CELSR1: variants seen among roughly 807,000 people sequenced by gnomAD.
CELSR1 encodes adhesion G protein-coupled receptor C1.
A neutral mutation model predicts 249.1 loss-of-function variants in CELSR1; 110 were observed. The ratio of observed to expected loss-of-function variants is 0.44; its 90% CI spans 0.38 to 0.52. CELSR1 has a LOEUF of 0.52. Among genes scored for constraint, CELSR1 ranks in the 20% least tolerant of loss-of-function variants. CELSR1 has a pLI of 0.00. For missense variants in CELSR1, 4,109 were observed against 4,296.4 expected, an observed-to-expected ratio of 0.96 and a Z score of 1.22; for synonymous variants, 2,113 against 1,900.0, an observed-to-expected ratio of 1.11 and a Z score of -2.92.
chr22:46,469,052 G>A (rs550670326), intron 1 of CELSR1, among the ~76,000 whole-genome samples: 23 of 152,074 alleles, frequency 1.5e-4, no homozygotes, highest in Non-Finnish European at 2.6e-4. Flanking sequence ...CTCCAGCCTG[G>A]GGGACAGAGA....
At chr22:46,482,894 A>G (rs2080280243) in intron 1 of CELSR1, among the ~76,000 whole-genome samples, 1 of 152,134 alleles carries the variant, frequency 6.6e-6, no homozygotes, top group Non-Finnish European at 1.5e-5. Context: ...GCTGGCATGG[A>G]GCAGACCAAC....
chr22:46,432,571 G>A lies in CELSR1; in HGVS notation c.4611+822C>T, dbSNP rs188924661. On this transcript the variant is annotated intron_variant, in intron 5 of 34. Transcript: ENST00000674500. ...AAAAGGGATTTGCAAAATCACAGCCGTGGAAAGCACAGCATTTTGATGCAA... is the reference window on the plus strand; with the variant it reads ...AAAAGGGATTTGCAAAATCACAGCCATGGAAAGCACAGCATTTTGATGCAA... 3.0e-3 allele frequency among the ~76,000 whole-genome samples: 453 copies of A among 152,348 alleles called. 3 individuals are homozygous for A. The highest frequency in any genetic ancestry group is 0.021 in the South Asian group (102 of 4,832).
Position 46,410,522 on chromosome 22 carries a change from G to A in CELSR1, c.4809C>T (p.Val1603=), listed in dbSNP as rs61737818. 2.8e-3 allele frequency: 4,562 copies of A among 1,614,076 alleles called. 104 individuals are homozygous for A. In the African/African-American group the frequency reaches 0.052, roughly 18 times the overall value. The change falls in exon 7 of 35, where the codon GTC becomes GTT. Residue 1603 remains valine (V), a synonymous_variant. Coordinates refer to ENST00000674500, the MANE Select transcript of CELSR1 (RefSeq NM_001378328.1). The surrounding 1 kb of genome is among the most constrained non-coding windows in gnomAD (Gnocchi z 6.8). ...CTGGGAAGTCTTCTGGCAGGTTGGGGACACCCCCCAGGAGTAGAGGGCCGG... is the reference window on the plus strand; with the variant it reads ...CTGGGAAGTCTTCTGGCAGGTTGGGAACACCCCCCAGGAGTAGAGGGCCGG... ...DLTGPLLLGG[V]PNLPEDFPVH... is the part of the protein sequence containing the mutation.
rs142177887 is a variant in CELSR1, at chr22:46,534,421, G to A, written c.2750C>T (p.Thr917Met). 1.6e-4 allele frequency: 265 copies of A among 1,612,816 alleles called. 1 individual carries two copies. The highest frequency in any genetic ancestry group is 1.6e-4 in the Non-Finnish European group (192 of 1,180,024). Reference protein sequence around the residue: ...PSTSILQVSATDRDSGPNGRL... With the variant: ...PSTSILQVSAMDRDSGPNGRL... Reference sequence around the variant, plus strand: ...CCCATTGGGACCTGAGTCCCGGTCCGTGGCAGAGACCTGGAGGATGCTGGT... The same window carrying A: ...CCCATTGGGACCTGAGTCCCGGTCCATGGCAGAGACCTGGAGGATGCTGGT... The change falls in exon 1 of 35, where the codon ACG becomes ATG. Residue 917 changes from threonine to methionine, a missense_variant. This residue lies in a region of CELSR1 where 886 missense variants were observed against 896.5 expected (regional missense o/e 0.99). Coordinates refer to ENST00000674500, the MANE Select transcript of CELSR1 (RefSeq NM_001378328.1). This position sits in a 1 kb window ranked among gnomAD's most constrained non-coding sequence, Gnocchi z 9.7.
intron 1 of CELSR1, among the ~76,000 whole-genome samples, chr22:46,502,141 C>A (rs1224243541): frequency 6.6e-6 from 1 of 151,392 alleles, no homozygotes; most frequent in African/African-American, 2.4e-5. Flanking sequence ...CACAAGCCTG[C>A]AGTCCCAGCT....
intron 1 of CELSR1, among the ~76,000 whole-genome samples, chr22:46,498,291 CAAAAAAAAAAAA>C (rs757698564): frequency 5.3e-4 from 6 of 11,314 alleles, no homozygotes; most frequent in East Asian, 2.0e-3. Context: ...AACTCTGTCT[CAAAAAAAAAAAA>C]AAAAAAAAAA....
intron 5 of CELSR1, among the ~76,000 whole-genome samples, chr22:46,418,650 T>C (rs528653128): frequency 1.5e-3 from 224 of 152,232 alleles, no homozygotes; most frequent in Non-Finnish European, 2.8e-3. Flanking sequence ...CACCTGCAGC[T>C]TGGAGTTCGG....
At chr22:46,510,326 G>A (rs539186035) in intron 1 of CELSR1, among the ~76,000 whole-genome samples, 1 of 152,208 alleles carries the variant, frequency 6.6e-6, no homozygotes, top group South Asian at 2.1e-4. Context: ...GAGCCACAGA[G>A]GCTGGAATGC....
In CELSR1 at chr22:46,468,167, C is replaced by T. The variant is rs1413768244; in HGVS notation, c.3545-3822G>A. ...CTTTGGGAGGCCGAGGTGGGTGGAT[C>T]ACGACGTCAGGAGTTCAAGACCAGC... is the stretch of plus-strand genomic sequence containing the variant. On this transcript the variant is annotated intron_variant, in intron 1 of 34. Transcript: ENST00000674500. The surrounding 1 kb of genome is among the most constrained non-coding windows in gnomAD (Gnocchi z 4.5). Among the ~76,000 whole-genome samples, 1 of 151,888 alleles carries T rather than the reference C, an allele frequency of 6.6e-6. No individual in the cohort carries two copies. Among genetic ancestry groups the T allele is most frequent in the Non-Finnish European group, 1.5e-5 (1 of 68,012 alleles).
chr22:46,456,379 G>A (rs1393346092), intron 2 of CELSR1, among the ~76,000 whole-genome samples: 1 of 152,138 alleles, frequency 6.6e-6, no homozygotes, highest in Non-Finnish European at 1.5e-5. Flanking sequence ...CCCAAAATAG[G>A]CCGGGCACGG....
At position 46,468,756 on chromosome 22, in the gene CELSR1, G is replaced by GT. The variant is rs2147610826; in HGVS notation, c.3545-4412dup. On this transcript the variant is annotated intron_variant, in intron 1 of 34. Coordinates refer to ENST00000674500, the MANE Select transcript of CELSR1 (RefSeq NM_001378328.1). This position sits in a 1 kb window ranked among gnomAD's most constrained non-coding sequence, Gnocchi z 4.5. ...CTTAAAAATGGTTAAAGTGGTAAAC[G>GT]TATGTGTATTTTACCACAATTACAA... Among the ~76,000 whole-genome samples the GT allele has an allele frequency of 6.6e-6, 1 of 152,264 alleles. No individual in the cohort carries two copies. The highest frequency in any genetic ancestry group is 2.1e-4 in the South Asian group (1 of 4,818).
chr22:46,366,336 C>T, intron 30 of CELSR1, 50 bp downstream of exon 30: 1 of 1,348,010 alleles, frequency 7.4e-7, no homozygotes, highest in Non-Finnish European at 9.8e-7. Flanking sequence ...AGGGGCAAAA[C>T]CTGAGGGAGT....
rs1214518797 is a variant in CELSR1, at chr22:46,389,445, G to A, written c.6400C>T (p.Leu2134=). 3.7e-6 allele frequency: 6 copies of A among 1,612,954 alleles called. No individual in the cohort carries two copies. Among genetic ancestry groups the A allele is most frequent in the Non-Finnish European group, 5.1e-6 (6 of 1,180,014 alleles). Residue 2134 remains leucine (L), a synonymous_variant, in exon 18 of 35, where the codon CTG becomes TTG. Transcript: ENST00000674500. ...TQVDGARALQ[L]VRALRSATQH... The stretch of plus-strand genomic sequence containing the variant: ...GTAGCACTGCGCAGCGCCCTCACCA[G>A]CTGCAGGGCCCTGGCGCCGTCCACC...
chr22:46,420,748 G>A (rs560937992), intron 5 of CELSR1, among the ~76,000 whole-genome samples: 13 of 152,154 alleles, frequency 8.5e-5, no homozygotes, highest in African/African-American at 2.4e-4. Flanking sequence ...CCCTTCCTTA[G>A]TCCCCCTGCC....
rs192697436 is a variant in CELSR1, at chr22:46,492,326, T to C, written c.3545-27981A>G. ...TCAGCCCTCAATGGTCTCAGTTACG[T>C]GTTTCTTATCTATGTACACTAACAA... is the stretch of plus-strand genomic sequence containing the variant. On this transcript the variant is annotated intron_variant, in intron 1 of 34. Transcript: ENST00000674500. Among the ~76,000 whole-genome samples, 3 of 152,362 alleles carry C rather than the reference T, an allele frequency of 2.0e-5. No homozygotes were observed. In the East Asian group the frequency reaches 5.8e-4, roughly 29 times the overall value.
At chr22:46,368,346 C>T (rs1174849399) in intron 27 of CELSR1, among the ~76,000 whole-genome samples, 2 of 152,074 alleles carry the variant, frequency 1.3e-5, no homozygotes, top group Non-Finnish European at 2.9e-5. Context: ...TGACAGAGCC[C>T]GCAAGGTCCA....
intron 4 of CELSR1, among the ~76,000 whole-genome samples, 190 bp downstream of exon 4, chr22:46,435,984 C>A (rs1365665688): frequency 6.6e-6 from 1 of 152,242 alleles, no homozygotes; most frequent in Non-Finnish European, 1.5e-5. Context: ...CAGGCGTGAG[C>A]CACCACGCCC....
At position 46,362,915 on chromosome 22, in the gene CELSR1, T is replaced by C; in HGVS notation, c.*308A>G. Reference sequence around the variant, plus strand: ...TCTGGGGTCCCCTCTCAGTTCTGGCTTTGACTGCAGTCTTAGGACTCAGCG... The same window carrying C: ...TCTGGGGTCCCCTCTCAGTTCTGGCCTTGACTGCAGTCTTAGGACTCAGCG... On this transcript the variant is annotated 3_prime_UTR_variant, in exon 35 of 35. Coordinates refer to ENST00000674500, the MANE Select transcript of CELSR1 (RefSeq NM_001378328.1). The C allele has an allele frequency of 2.0e-6, 1 of 509,668 alleles. No homozygotes were observed. Among genetic ancestry groups the C allele is most frequent in the Non-Finnish European group, 3.5e-6 (1 of 285,528 alleles). The allele number at this position is 509,668 out of a possible 1,614,324, so 31.6% of individuals were successfully genotyped here.
chr22:46,467,025 T>C (rs1393225234), intron 1 of CELSR1, among the ~76,000 whole-genome samples: 2 of 152,216 alleles, frequency 1.3e-5, no homozygotes, highest in African/African-American at 4.8e-5. Flanking sequence ...ACTTGCAGCC[T>C]CAAGAACTGT....
Sources: gnomAD v4.1 joint callset for allele counts (sites outside exome capture counted in the v4.1 genomes callset) on GRCh38, gnomAD v4.1.1 for gene constraint, gnomAD v4.1.1 regional missense constraint, Gnocchi (gnomAD v3.1) non-coding constraint, MANE v1.5 for transcripts, NCBI Gene and HGNC (gene_info 2026-07-23, HGNC 2026-07-21) for gene names.